RBMS3: variants seen among roughly 807,000 people sequenced by gnomAD.
RBMS3 encodes RNA binding motif single stranded interacting protein 3.
RBMS3 carries 27 observed loss-of-function variants against 66.8 expected under a neutral mutation model. The ratio of observed to expected loss-of-function variants is 0.40; its 90% CI spans 0.30 to 0.56. The LOEUF (loss-of-function observed/expected upper bound fraction) is 0.56. Among genes scored for constraint, RBMS3 ranks in the 20% least tolerant of loss-of-function variants. RBMS3 has a pLI of 0.40. For synonymous variants in RBMS3, 188 were observed against 183.0 expected (o/e 1.03, Z -0.22); for missense variants, 513 against 549.5 (o/e 0.93, Z 0.66).
chr3:29,312,563 C>T (rs889776719), intron 1 of RBMS3, among the ~76,000 whole-genome samples: 3 of 151,570 alleles, frequency 2.0e-5, no homozygotes, highest in African/African-American at 7.3e-5. Context: ...TGAACTCTTG[C>T]ACTCTCTCTT....
At chr3:29,526,311 G>C (rs1232351114) in intron 3 of RBMS3, 1 of 152,036 alleles carries the variant, frequency 6.6e-6, no homozygotes, top group Non-Finnish European at 1.5e-5. Context: ...ACGAGGTCAG[G>C]AGATCGAGAA....
chr3:29,321,954 C>G (rs1019498136), intron 1 of RBMS3, among the ~76,000 whole-genome samples: 2 of 151,680 alleles, frequency 1.3e-5, no homozygotes, highest in Non-Finnish European at 2.9e-5. Flanking sequence ...AATGATTTTT[C>G]AAAATTAGAT....
At chr3:29,679,336 C>T (rs1230677101) in intron 4 of RBMS3, among the ~76,000 whole-genome samples, 1 of 152,054 alleles carries the variant, frequency 6.6e-6, no homozygotes, top group Non-Finnish European at 1.5e-5. Flanking sequence ...CATTATCCGT[C>T]GATTTTTCTA....
Position 29,984,526 on chromosome 3 carries a change from T to G in RBMS3, c.1099-3617T>G, listed in dbSNP as rs187367803. Among the ~76,000 whole-genome samples, 16 of 152,234 alleles carry G rather than the reference T, an allele frequency of 1.1e-4. No homozygotes were observed. In the South Asian group the frequency reaches 1.7e-3, roughly 16 times the overall value. ...TTTGGAATTTTCAGCCTTTTTGCAC[T>G]GGTTTTTTCTCATCTTCATGGATTT... is the stretch of plus-strand genomic sequence containing the variant. On this transcript the variant is annotated intron_variant, in intron 12 of 14. Transcript: ENST00000383767.
At chr3:29,492,856 C>A (rs531662652) in intron 3 of RBMS3, among the ~76,000 whole-genome samples, 13 of 152,212 alleles carry the variant, frequency 8.5e-5, no homozygotes, top group African/African-American at 3.1e-4. Flanking sequence ...CCTGAAGTAG[C>A]AAACATTATA....
chr3:29,397,712 A>G (rs949699585), intron 1 of RBMS3, among the ~76,000 whole-genome samples: 4 of 151,944 alleles, frequency 2.6e-5, no homozygotes, highest in African/African-American at 9.7e-5. Context: ...TTCTGTTCTA[A>G]ACTCCTTTCC....
chr3:29,330,014 C>A (rs1382058357), intron 1 of RBMS3, among the ~76,000 whole-genome samples: 1 of 151,576 alleles, frequency 6.6e-6, no homozygotes, highest in Non-Finnish European at 1.5e-5. Flanking sequence ...TTTTCCTGGG[C>A]AACTATTCAA....
chr3:29,376,712 C>G (rs756661748), intron 1 of RBMS3, among the ~76,000 whole-genome samples: 1 of 152,142 alleles, frequency 6.6e-6, no homozygotes, highest in Admixed American at 6.5e-5. Context: ...TGGAGACCAT[C>G]CTGGCTAATA....
At chr3:29,861,181 A>T (rs980411149) in intron 6 of RBMS3, among the ~76,000 whole-genome samples, 1 of 152,202 alleles carries the variant, frequency 6.6e-6, no homozygotes, top group Non-Finnish European at 1.5e-5. Flanking sequence ...TGGATCAAAA[A>T]TTTATAACAT....
chr3:29,805,744 G>T (rs1219677736), intron 6 of RBMS3, among the ~76,000 whole-genome samples: 1 of 151,972 alleles, frequency 6.6e-6, no homozygotes, highest in African/African-American at 2.4e-5. Flanking sequence ...TAAGCTAAAT[G>T]TGATTACTAA....
At chr3:29,932,484 C>G (rs988816687) in intron 10 of RBMS3, among the ~76,000 whole-genome samples, 1 of 152,130 alleles carries the variant, frequency 6.6e-6, no homozygotes, top group South Asian at 2.1e-4. Flanking sequence ...GGCCTAATCC[C>G]AGAGAGTCTA....
intron 3 of RBMS3, among the ~76,000 whole-genome samples, chr3:29,527,985 A>AT (rs1225285813): frequency 5.3e-5 from 8 of 151,604 alleles, no homozygotes; most frequent in South Asian, 2.1e-4. Context: ...TTCTTAGTGT[A>AT]TTTTTTTTAC....
At chr3:29,746,939 A>G (rs1159998060) in intron 5 of RBMS3, among the ~76,000 whole-genome samples, 4 of 152,208 alleles carry the variant, frequency 2.6e-5, no homozygotes, top group Admixed American at 2.6e-4. Flanking sequence ...TTACCTATAT[A>G]AAATGGAACT....
chr3:29,944,961 T>A (rs1695199504), intron 12 of RBMS3, among the ~76,000 whole-genome samples: 1 of 151,746 alleles, frequency 6.6e-6, no homozygotes, highest in Non-Finnish European at 1.5e-5. Context: ...TGTAAAGAGG[T>A]GGATTTTTAT....
chr3:29,748,688 G>A (rs1199355424), intron 5 of RBMS3, among the ~76,000 whole-genome samples: 1 of 152,030 alleles, frequency 6.6e-6, no homozygotes, highest in Non-Finnish European at 1.5e-5. Context: ...TCTCTGGGTT[G>A]GATAAATTTT....
Position 29,868,957 on chromosome 3 carries a change from A to G in RBMS3, c.737A>G (p.Glu246Gly). The change falls in exon 7 of 15, where the codon GAA becomes GGA. Residue 246 changes from glutamate (E) to glycine (G), a missense_variant. By Grantham distance (98) the Glu-to-Gly change is moderately conservative. Coordinates refer to ENST00000383767, the MANE Select transcript of RBMS3 (RefSeq NM_001003793.3). ...YTQNGRPWPREGEAGMALTYD... is the reference protein window; with the variant it reads ...YTQNGRPWPRGGEAGMALTYD... ...CAGAATGGGAGGCCTTGGCCCAGGG[A>G]AGGAGAGGTGAGTCCTGACTGATAA... 1 of 1,594,698 alleles carries G rather than the reference A, an allele frequency of 6.3e-7. No homozygotes were observed. The highest frequency in any genetic ancestry group is 1.1e-5 in the South Asian group (1 of 87,784).
chr3:29,770,163 A>T, intron 6 of RBMS3, among the ~76,000 whole-genome samples: 1 of 151,932 alleles, frequency 6.6e-6, no homozygotes, highest in East Asian at 1.9e-4. Flanking sequence ...ACTTTTTGCC[A>T]CTGGAGCTAG....
At chr3:29,872,438 A>C (rs908181714) in intron 7 of RBMS3, among the ~76,000 whole-genome samples, 2 of 152,076 alleles carry the variant, frequency 1.3e-5, no homozygotes, top group African/African-American at 4.8e-5. Flanking sequence ...ACATGTAGAG[A>C]AAAATCTACC....
At chr3:29,619,545 G>A (rs2048796002) in intron 4 of RBMS3, among the ~76,000 whole-genome samples, 1 of 152,140 alleles carries the variant, frequency 6.6e-6, no homozygotes, top group Admixed American at 6.5e-5. Flanking sequence ...AATAGAGAAA[G>A]CAGTACATGG....
Sources: allele counts gnomAD v4.1 joint callset (sites outside exome capture counted in the v4.1 genomes callset), GRCh38; gene constraint gnomAD v4.1.1; transcripts MANE v1.5; gene names NCBI Gene and HGNC (gene_info 2026-07-23, HGNC 2026-07-21).